Variants in SYT9 observed in about 807,000 individuals in gnomAD.
SYT9 encodes synaptotagmin-9.
In SYT9, 22 loss-of-function variants were observed where a neutral mutation model predicts 48.4. The observed-to-expected ratio is 0.45, with a 90% CI of 0.32 to 0.65. SYT9 has a LOEUF of 0.65. Among genes scored for constraint, SYT9 ranks in the 30% least tolerant of loss-of-function variants. SYT9 has a pLI of 0.03. For synonymous variants in SYT9, 265 were observed against 245.0 expected (o/e 1.08, Z -0.76); for missense variants, 577 against 622.0 (o/e 0.93, Z 0.77).
At chr11:7,245,135 C>A (rs1269517139) in intron 1 of SYT9, among the ~76,000 whole-genome samples, 2 of 152,162 alleles carry the variant, frequency 1.3e-5, no homozygotes, top group African/African-American at 4.8e-5. Flanking sequence ...TGGAGCCAGA[C>A]AAATTTGAAT....
At chr11:7,305,652 C>T (rs770340384) in intron 2 of SYT9, among the ~76,000 whole-genome samples, 2 of 152,252 alleles carry the variant, frequency 1.3e-5, no homozygotes, top group Non-Finnish European at 2.9e-5. Flanking sequence ...AAGCTCTAAA[C>T]AGTCTGCTTT....
At chr11:7,307,438 A>G (rs1313120854) in intron 2 of SYT9, among the ~76,000 whole-genome samples, 2 of 152,240 alleles carry the variant, frequency 1.3e-5, no homozygotes, top group Non-Finnish European at 2.9e-5. Context: ...AGACCCCGAA[A>G]TGATATGTAA....
At chr11:7,355,972 T>A (rs1239926896) in intron 3 of SYT9, among the ~76,000 whole-genome samples, 3 of 152,252 alleles carry the variant, frequency 2.0e-5, no homozygotes, top group Non-Finnish European at 2.9e-5. Context: ...TTGGAGCTCA[T>A]GAGATGTTTC....
chr11:7,284,793 G>T (rs1265213919), intron 1 of SYT9, among the ~76,000 whole-genome samples: 1 of 151,976 alleles, frequency 6.6e-6, no homozygotes, highest in East Asian at 1.9e-4. Flanking sequence ...TCTCTTCAGG[G>T]AGCCTTCTAG....
intron 6 of SYT9, among the ~76,000 whole-genome samples, chr11:7,452,415 T>C (rs1163522488): frequency 6.6e-6 from 1 of 152,156 alleles, no homozygotes; most frequent in African/African-American, 2.4e-5. Flanking sequence ...GGTACGTAAG[T>C]TGGGGCCATT....
chr11:7,250,582 G>C (rs972782972), upstream of SYT9, among the ~76,000 whole-genome samples: 37 of 151,896 alleles, frequency 2.4e-4, no homozygotes, highest in African/African-American at 7.5e-4. Context: ...CTTAAAGCTG[G>C]TTTCTCCTCC....
intron 3 of SYT9, among the ~76,000 whole-genome samples, chr11:7,327,922 TG>T (rs1237755090): frequency 1.1e-5 from 1 of 90,274 alleles, no homozygotes; most frequent in Admixed American, 1.2e-4. Context: ...GGGACTGTGG[TG>T]GGGAGGGGGG....
chr11:7,334,639 T>C (rs28415537), intron 3 of SYT9, among the ~76,000 whole-genome samples: 79,518 of 140,558 alleles, frequency 0.57, 22,925 homozygotes, highest in East Asian at 0.82. Flanking sequence ...CTCCACTCCC[T>C]GCCACCCATC....
chr11:7,312,442 G>C (rs766696829), intron 2 of SYT9, among the ~76,000 whole-genome samples: 5 of 152,142 alleles, frequency 3.3e-5, no homozygotes, highest in Non-Finnish European at 4.4e-5. Flanking sequence ...ACAATATAAT[G>C]ACTCTAAACT....
chr11:7,303,497 T>C (rs1330491736), intron 2 of SYT9, 107 bp downstream of exon 2: 2 of 1,010,708 alleles, frequency 2.0e-6, no homozygotes, highest in Non-Finnish European at 2.8e-6. Context: ...TTTAGATTTC[T>C]GTTCTGTATC....
intron 3 of SYT9, among the ~76,000 whole-genome samples, chr11:7,346,009 G>A (rs182092422): frequency 6.6e-6 from 1 of 152,322 alleles, no homozygotes; most frequent in East Asian, 1.9e-4. Context: ...CTGACTGAGA[G>A]AGTGACAAAG....
At chr11:7,246,601 T>C (rs1347857236) in intron 1 of SYT9, among the ~76,000 whole-genome samples, 1 of 152,218 alleles carries the variant, frequency 6.6e-6, no homozygotes, top group Admixed American at 6.5e-5. Context: ...CACAAAGATG[T>C]GGATTCCAGT....
intron 1 of SYT9, among the ~76,000 whole-genome samples, chr11:7,280,702 A>G (rs534724824): frequency 2.3e-4 from 35 of 152,310 alleles, no homozygotes; most frequent in African/African-American, 8.2e-4. Flanking sequence ...AGAGATGTGC[A>G]GTAGTGCATC....
At chr11:7,311,938 C>T (rs1403081474) in intron 2 of SYT9, among the ~76,000 whole-genome samples, 3 of 152,144 alleles carry the variant, frequency 2.0e-5, no homozygotes, top group Admixed American at 6.5e-5. Context: ...CTTCCCTCCC[C>T]CGCCCACCCA....
chr11:7,262,093 G>A (rs1848090464), intron 1 of SYT9, among the ~76,000 whole-genome samples: 1 of 152,154 alleles, frequency 6.6e-6, no homozygotes, highest in Non-Finnish European at 1.5e-5. Context: ...GCTTGGACCA[G>A]AGTGATAGCA....
At chr11:7,393,677 T>C (rs1002131447) in intron 3 of SYT9, among the ~76,000 whole-genome samples, 6 of 152,184 alleles carry the variant, frequency 3.9e-5, no homozygotes, top group Non-Finnish European at 8.8e-5. Flanking sequence ...CCAGCTCTTC[T>C]TTCTATGCCT....
At position 7,391,735 on chromosome 11, in the gene SYT9, T is replaced by TAAAAAAAAAAAAAAAAAAAA. The variant is rs71059104; in HGVS notation, c.1045-24296_1045-24277dup. ...GGACAACATGGTAAAACCCCATCTC[T>TAAAAAAAAAAAAAAAAAAAA]AAAAAAAAAAAAAAAAAAAAAAAAA... On this transcript the variant is annotated intron_variant, in intron 3 of 6. Coordinates refer to ENST00000318881, the MANE Select transcript of SYT9 (RefSeq NM_175733.4). 5.6e-4 allele frequency among the ~76,000 whole-genome samples: 20 copies of TAAAAAAAAAAAAAAAAAAAA among 35,946 alleles called. 1 individual carries two copies. The highest frequency in any genetic ancestry group is 4.3e-3 in the East Asian group (2 of 470). The allele number at this position is 35,946 out of a possible 152,430, so 23.6% of individuals were successfully genotyped here. A position where few individuals can be genotyped will look rare whatever the true frequency, so the allele number is the denominator to read the frequency against.
intron 1 of SYT9, among the ~76,000 whole-genome samples, chr11:7,259,425 C>G (rs1454963696): frequency 6.6e-6 from 1 of 151,544 alleles, no homozygotes; most frequent in East Asian, 1.9e-4. Flanking sequence ...ATTTATAGTC[C>G]CCTGTTTCCT....
intron 1 of SYT9, among the ~76,000 whole-genome samples, chr11:7,294,786 A>G (rs2133924560): frequency 6.6e-6 from 1 of 152,306 alleles, no homozygotes; most frequent in East Asian, 1.9e-4. Flanking sequence ...TTCTCAGTTC[A>G]GTGGGGCCAT....
Sources: gnomAD v4.1 joint callset for allele counts (sites outside exome capture counted in the v4.1 genomes callset) on GRCh38, gnomAD v4.1.1 for gene constraint, MANE v1.5 for transcripts, NCBI Gene and HGNC (gene_info 2026-07-23, HGNC 2026-07-21) for gene names.